The following CAND2 variants were observed in gnomAD, a reference collection of about 807,000 sequenced individuals.
CAND2 encodes cullin-associated NEDD8-dissociated protein 2.
A neutral mutation model predicts 98.9 loss-of-function variants in CAND2; 62 were observed. That is an observed-to-expected ratio of 0.63 (90% confidence interval 0.51 to 0.77). CAND2 has a LOEUF of 0.77. CAND2 is among the 30% of genes least tolerant of loss of function. The pLI is 0.00. For synonymous variants in CAND2, 770 were observed against 731.9 expected, an observed-to-expected ratio of 1.05 and a Z score of -0.84; for missense variants, 1,501 against 1,655.2, an observed-to-expected ratio of 0.91 and a Z score of 1.62.
chr3:12,800,641 A>G (rs969424029), intron 1 of CAND2, among the ~76,000 whole-genome samples: 4 of 152,228 alleles, frequency 2.6e-5, no homozygotes, highest in Non-Finnish European at 5.9e-5. Context: ...GATTCTAATC[A>G]GGTATTGTCA....
chr3:12,796,771 C>A lies in CAND2; in HGVS notation c.51C>A (p.Ser17=). The A allele has an allele frequency of 6.3e-7, 1 of 1,589,244 alleles. No individual in the cohort carries two copies. The highest frequency in any genetic ancestry group is 2.3e-5 in the East Asian group (1 of 43,808). Residue 17 remains serine, a synonymous_variant, in exon 1 of 15, where the codon TCC becomes TCA. Transcript: ENST00000456430. ...HISSLLEKMT[S]SDKDFRFMAT... ...CCAGCCTCCTGGAGAAGATGACGTC[C>A]AGCGACAAGGACTTCAGGTGCAGCC...
chr3:12,831,767 GTT>G (rs1477349919), intron 14 of CAND2, among the ~76,000 whole-genome samples, 195 bp downstream of exon 14: 21 of 152,222 alleles, frequency 1.4e-4, no homozygotes, highest in African/African-American at 4.3e-4. Context: ...GCTTTGAGAA[GTT>G]GTTATTGGCC....
At chr3:12,819,420 G>A (rs185353373) in intron 10 of CAND2, among the ~76,000 whole-genome samples, 1 of 152,328 alleles carries the variant, frequency 6.6e-6, no homozygotes, top group African/African-American at 2.4e-5. Context: ...AGACGCAGGT[G>A]GAGCGTCCAC....
chr3:12,802,023 T>C (rs1477865676), intron 1 of CAND2, among the ~76,000 whole-genome samples: 1 of 152,186 alleles, frequency 6.6e-6, no homozygotes. Context: ...ACAAGGTGTC[T>C]GTTCAACCTT....
intron 7 of CAND2, among the ~76,000 whole-genome samples, chr3:12,814,687 A>C (rs1490692721): frequency 1.3e-5 from 2 of 152,148 alleles, no homozygotes; most frequent in Admixed American, 6.5e-5. Flanking sequence ...ACCTGATGCC[A>C]AAAGATGAGT....
chr3:12,814,758 G>A (rs2124851029), intron 7 of CAND2, among the ~76,000 whole-genome samples: 1 of 152,114 alleles, frequency 6.6e-6, no homozygotes, highest in South Asian at 2.1e-4. Flanking sequence ...TTTTTTCCCT[G>A]GTACAGTCCA....
intron 4 of CAND2, 62 bp from the exon 5 acceptor site, chr3:12,809,997 C>A: frequency 7.2e-7 from 1 of 1,386,654 alleles, no homozygotes; most frequent in Non-Finnish European, 9.3e-7. Context: ...GGGAGAGGGG[C>A]GGAGCCTGGC....
chr3:12,828,328 G>C, intron 13 of CAND2, among the ~76,000 whole-genome samples: 1 of 149,940 alleles, frequency 6.7e-6, no homozygotes, highest in East Asian at 1.9e-4. Flanking sequence ...ACTATCTGCA[G>C]GTGAAGTGTT....
At position 12,807,314 on chromosome 3, in the gene CAND2, C is replaced by T. The variant is rs745574996; in HGVS notation, c.221C>T (p.Pro74Leu). 11 of 1,551,238 alleles carry T rather than the reference C, an allele frequency of 7.1e-6. No individual in the cohort carries two copies. In the African/African-American group the frequency reaches 1.1e-4, roughly 15 times the overall value. The change falls in exon 3 of 15, where the codon CCT (proline) becomes CTT (leucine). Residue 74 changes from proline (P) to leucine (L), a missense_variant. Physicochemically the swap from Pro to Leu is moderately conservative, Grantham distance 98. Around this residue, in one of 3 missense-constraint regions of CAND2, gnomAD observed 12 missense variants for 32.6 expected, o/e 0.37. Coordinates refer to ENST00000456430, the MANE Select transcript of CAND2 (RefSeq NM_001162499.2). Reference sequence around the variant, plus strand: ...TCCCACTCCCTGCTCAGCCTGGGTCCTCTGGTGGTCAAAGTGAAGGAGTAC... The same window carrying T: ...TCCCACTCCCTGCTCAGCCTGGGTCTTCTGGTGGTCAAAGTGAAGGAGTAC... The part of the protein sequence containing the change: ...VQNLAVKCLG[P>L]LVVKVKEYQV...
intron 10 of CAND2, among the ~76,000 whole-genome samples, chr3:12,818,262 C>CAA (rs11329908): frequency 4.1e-5 from 6 of 147,452 alleles, no homozygotes; most frequent in South Asian, 4.3e-4. Context: ...CTGCCTCTAC[C>CAA]AAAAAAAAAA....
In CAND2 at chr3:12,817,123, G is replaced by A. The variant is rs907841259; in HGVS notation, c.2191G>A (p.Glu731Lys). The A allele has an allele frequency of 1.2e-6, 2 of 1,612,114 alleles. No homozygotes were observed. Among genetic ancestry groups the A allele is most frequent in the African/African-American group, 2.7e-5 (2 of 74,922 alleles). ...CCAGGCCCAGCCAGCCTCTTTGGTG[G>A]AGGTCAGTGGCCCTGTGCTCTCAGA... ...VTQAQPASLV[E>K]VSGPVLSELL... Residue 731 changes from glutamate to lysine, a missense_variant, in exon 10 of 15, where the codon GAG becomes AAG. Physicochemically the swap from Glu to Lys is moderately conservative, Grantham distance 56 (BLOSUM62 1). Transcript: ENST00000456430.
chr3:12,819,760 T>C (rs2124860866), intron 10 of CAND2, among the ~76,000 whole-genome samples: 1 of 152,350 alleles, frequency 6.6e-6, no homozygotes, highest in East Asian at 1.9e-4. Flanking sequence ...TTGTTAGGAC[T>C]CATTGAGATA....
At chr3:12,819,656 C>T (rs116727110) in intron 10 of CAND2, among the ~76,000 whole-genome samples, 2,251 of 152,224 alleles carry the variant, frequency 0.015, 42 homozygotes, top group African/African-American at 0.048. Flanking sequence ...GAACTTAAAC[C>T]CTCTGAGTCT....
chr3:12,825,310 G>A (rs2061990104), intron 11 of CAND2, among the ~76,000 whole-genome samples, 160 bp from the exon 12 acceptor site: 1 of 152,074 alleles, frequency 6.6e-6, no homozygotes, highest in African/African-American at 2.4e-5. Flanking sequence ...GCCTTTGAAG[G>A]GTTGTTTGTG....
At chr3:12,829,202 T>C (rs1029994372) in intron 13 of CAND2, among the ~76,000 whole-genome samples, 2 of 152,202 alleles carry the variant, frequency 1.3e-5, no homozygotes, top group East Asian at 1.9e-4. Context: ...CTGGAGTGCA[T>C]TGGTGCAATC....
intron 11 of CAND2, among the ~76,000 whole-genome samples, chr3:12,823,696 C>T (rs2061977086): frequency 6.6e-6 from 1 of 151,718 alleles, no homozygotes; most frequent in African/African-American, 2.4e-5. Context: ...CGCCACTGCA[C>T]TCCAGTCTGG....
intron 14 of CAND2, among the ~76,000 whole-genome samples, chr3:12,832,961 T>A (rs2062067249): frequency 6.6e-6 from 1 of 152,160 alleles, no homozygotes; most frequent in Non-Finnish European, 1.5e-5. Context: ...AGTGTGGACT[T>A]GTGTCGTTTA....
intron 11 of CAND2, among the ~76,000 whole-genome samples, chr3:12,823,492 GC>G (rs1294565792): frequency 4.6e-5 from 7 of 152,198 alleles, no homozygotes; most frequent in African/African-American, 1.7e-4. Context: ...ACTTTGGGAG[GC>G]CGAGGCGGGC....
At chr3:12,809,239 G>T (rs1197870353) in intron 4 of CAND2, among the ~76,000 whole-genome samples, 2 of 152,034 alleles carry the variant, frequency 1.3e-5, no homozygotes, top group East Asian at 3.9e-4. Context: ...GTGTGGGGAG[G>T]AAGGTGATGG....
Sources: gnomAD v4.1 joint callset for allele counts (sites outside exome capture counted in the v4.1 genomes callset) on GRCh38, gnomAD v4.1.1 for gene constraint, gnomAD v4.1.1 regional missense constraint, MANE v1.5 for transcripts, NCBI Gene and HGNC (gene_info 2026-07-23, HGNC 2026-07-21) for gene names.